DLG2: variants seen among roughly 807,000 people sequenced by gnomAD.
DLG2 encodes disks large homolog 2.
A neutral mutation model predicts 132.5 loss-of-function variants in DLG2; 45 were observed. That is an observed-to-expected ratio of 0.34 (90% confidence interval 0.27 to 0.44). The LOEUF is 0.44. Ranked by LOEUF, DLG2 falls within the 20% of genes least tolerant of loss-of-function variation. DLG2 has a pLI of 1.00. For missense variants in DLG2, 1,045 were observed against 1,196.9 expected, an observed-to-expected ratio of 0.87 and a Z score of 1.87; for synonymous variants, 424 against 419.6, an observed-to-expected ratio of 1.01 and a Z score of -0.13.
intron 6 of DLG2, among the ~76,000 whole-genome samples, chr11:85,093,595 G>A (rs1388179293): frequency 6.6e-6 from 1 of 152,220 alleles, no homozygotes; most frequent in Non-Finnish European, 1.5e-5. Flanking sequence ...GGTGGAAGGT[G>A]AGGAAGAGCA....
chr11:84,947,458 C>T (rs61907758), intron 6 of DLG2, among the ~76,000 whole-genome samples: 1 of 152,124 alleles, frequency 6.6e-6, no homozygotes, highest in Non-Finnish European at 1.5e-5. Context: ...ATATTATCTG[C>T]AAACTAATCA....
intron 6 of DLG2, among the ~76,000 whole-genome samples, chr11:84,933,723 C>T (rs759664452): frequency 2.0e-5 from 3 of 152,200 alleles, no homozygotes; most frequent in Non-Finnish European, 4.4e-5. Flanking sequence ...TATCCTGAGA[C>T]TTTGCTGAAG....
At chr11:85,514,925 C>T (rs993896436) in intron 3 of DLG2, among the ~76,000 whole-genome samples, 2 of 151,856 alleles carry the variant, frequency 1.3e-5, no homozygotes, top group African/African-American at 4.8e-5. Flanking sequence ...AGAAAATATA[C>T]TTTCGTTGTA....
intron 3 of DLG2, among the ~76,000 whole-genome samples, chr11:85,550,708 G>A (rs1044539832): frequency 1.3e-5 from 2 of 152,224 alleles, no homozygotes; most frequent in East Asian, 1.9e-4. Context: ...GTGGCAACTG[G>A]CTAGTTTGGG....
At chr11:84,713,049 C>A (rs895276609) in intron 6 of DLG2, among the ~76,000 whole-genome samples, 1 of 152,088 alleles carries the variant, frequency 6.6e-6, no homozygotes, top group African/African-American at 2.4e-5. Context: ...AAAAGAAATT[C>A]TTGTACAATA....
intron 3 of DLG2, among the ~76,000 whole-genome samples, chr11:85,306,381 G>A (rs1266341135): frequency 1.3e-5 from 2 of 152,184 alleles, no homozygotes; most frequent in Non-Finnish European, 2.9e-5. Flanking sequence ...CAAGTAGGAG[G>A]AATGGAGATA....
intron 6 of DLG2, among the ~76,000 whole-genome samples, chr11:85,064,215 C>T (rs761483560): frequency 2.9e-4 from 44 of 151,910 alleles, no homozygotes; most frequent in Non-Finnish European, 5.7e-4. Flanking sequence ...AGAAACCATG[C>T]TATCACTGAG....
intron 3 of DLG2, among the ~76,000 whole-genome samples, chr11:85,505,002 G>A (rs945958586): frequency 3.9e-5 from 6 of 152,050 alleles, no homozygotes; most frequent in African/African-American, 1.4e-4. Flanking sequence ...CTCATGATTT[G>A]GCTCTCTGTT....
intron 8 of DLG2, among the ~76,000 whole-genome samples, chr11:84,221,103 C>A (rs1283759092): frequency 1.3e-5 from 2 of 151,760 alleles, no homozygotes; most frequent in African/African-American, 4.8e-5. Flanking sequence ...TGCACCTGGT[C>A]ACATGCATGA....
intron 3 of DLG2, among the ~76,000 whole-genome samples, chr11:85,396,868 A>C (rs1284287850): frequency 1.3e-5 from 2 of 152,256 alleles, no homozygotes; most frequent in East Asian, 3.8e-4. Flanking sequence ...GATATTATTC[A>C]GGACAACTTC....
chr11:85,123,762 C>T (rs1255460834), intron 5 of DLG2, among the ~76,000 whole-genome samples: 1 of 152,158 alleles, frequency 6.6e-6, no homozygotes, highest in Non-Finnish European at 1.5e-5. Flanking sequence ...AACTGAATTA[C>T]TTAGATACAA....
rs559127748 is a variant in DLG2 at position 85,349,065 on chromosome 11, T to A, written c.41-63700A>T. 3.0e-4 allele frequency among the ~76,000 whole-genome samples: 46 copies of A among 152,234 alleles called. 1 individual carries two copies. The highest frequency in any genetic ancestry group is 2.8e-3 in the Admixed American group (43 of 15,298). ...CAGAAACACCAGTTCAGGCCATGAT[T>A]GGAATGGGTGGTTGGACATGCCTCT... On this transcript the variant is annotated intron_variant, in intron 3 of 27. Transcript: ENST00000376104.
chr11:84,035,677 G>A (rs2095846565), intron 11 of DLG2, among the ~76,000 whole-genome samples: 1 of 152,130 alleles, frequency 6.6e-6, no homozygotes, highest in South Asian at 2.1e-4. Context: ...TTGCAGCTGG[G>A]GTTGATATAC....
chr11:83,980,685 T>G (rs1280998267), intron 11 of DLG2, 43 bp from the exon 12 acceptor site: 1 of 1,460,762 alleles, frequency 6.8e-7, no homozygotes, highest in Non-Finnish European at 9.1e-7. Context: ...GTTTTGTTGT[T>G]GTAGTTGTTT....
intron 21 of DLG2, among the ~76,000 whole-genome samples, chr11:83,503,850 C>G (rs1737916185): frequency 6.6e-6 from 1 of 152,142 alleles, no homozygotes; most frequent in South Asian, 2.1e-4. Flanking sequence ...TTAACCATCA[C>G]AAGTCTACCC....
intron 7 of DLG2, among the ~76,000 whole-genome samples, chr11:84,380,762 C>G (rs1418173343): frequency 6.6e-6 from 1 of 151,794 alleles, no homozygotes; most frequent in Non-Finnish European, 1.5e-5. Flanking sequence ...TAGAGAAAAT[C>G]AGCAAGGCCC....
intron 10 of DLG2, among the ~76,000 whole-genome samples, chr11:84,093,906 C>T (rs1006384473): frequency 9.2e-5 from 14 of 151,848 alleles, no homozygotes; most frequent in African/African-American, 2.4e-4. Context: ...TGAGCCATCG[C>T]GCCTATTCGT....
At chr11:84,837,353 A>T (rs2079960042) in intron 6 of DLG2, among the ~76,000 whole-genome samples, 1 of 151,768 alleles carries the variant, frequency 6.6e-6, no homozygotes, top group Non-Finnish European at 1.5e-5. Context: ...TGTTTAAATA[A>T]GGAAGATCAC....
At chr11:84,324,971 T>A in intron 7 of DLG2, among the ~76,000 whole-genome samples, 1 of 152,264 alleles carries the variant, frequency 6.6e-6, no homozygotes, top group East Asian at 1.9e-4. Context: ...TGTGAACAAA[T>A]ATAATTTTAC....
Sources: allele counts gnomAD v4.1 joint callset (sites outside exome capture counted in the v4.1 genomes callset), GRCh38; gene constraint gnomAD v4.1.1; transcripts MANE v1.5; gene names NCBI Gene and HGNC (gene_info 2026-07-23, HGNC 2026-07-21).